Variants in ZNF239 observed in about 807,000 individuals in gnomAD.
ZNF239 encodes zinc finger protein (C2H2) homologous to mouse MOK-2.
ZNF239 carries 16 observed loss-of-function variants against 27.5 expected under a neutral mutation model. The ratio of observed to expected loss-of-function variants is 0.58; its 90% CI spans 0.39 to 0.88. The LOEUF is 0.88. Ranked by LOEUF, ZNF239 falls within the 40% of genes least tolerant of loss-of-function variation. The pLI is 0.00. For missense variants in ZNF239, 527 were observed against 551.9 expected (o/e 0.95, Z 0.45); for synonymous variants, 199 against 192.6 (o/e 1.03, Z -0.27).
chr10:43,567,174 T>C (rs1270861486), intron 3 of ZNF239, among the ~76,000 whole-genome samples: 1 of 152,194 alleles, frequency 6.6e-6, no homozygotes, highest in African/African-American at 2.4e-5. Context: ...AAGTGTTTTA[T>C]CTATTTGTAG....
Position 43,568,009 on chromosome 10 carries a change from A to T in ZNF239, c.-203T>A. Reference sequence around the variant, plus strand: ...GTGAAGGCCACAGAGGCATCCTTGAATGTAACTGGTTCCTAAAACATTAAG... The same window carrying T: ...GTGAAGGCCACAGAGGCATCCTTGATTGTAACTGGTTCCTAAAACATTAAG... On this transcript the variant is annotated 5_prime_UTR_variant, in exon 3 of 4. Coordinates refer to ENST00000374446, the MANE Select transcript of ZNF239 (RefSeq NM_001099282.2). 1.0e-6 allele frequency: 1 copy of T among 985,954 alleles called. No homozygotes were observed. 61.1% of individuals were successfully genotyped at this position (985,954 alleles called of 1,614,324 possible).
At chr10:43,570,486 C>G (rs1356871309) in intron 2 of ZNF239, 2 of 984,972 alleles carry the variant, frequency 2.0e-6, no homozygotes, top group African/African-American at 3.5e-5. Context: ...TAAGGCTAAT[C>G]TCTTCCTGTG....
intron 3 of ZNF239, among the ~76,000 whole-genome samples, chr10:43,559,226 T>C (rs541997841): frequency 2.1e-4 from 32 of 152,112 alleles, no homozygotes; most frequent in Non-Finnish European, 4.1e-4. Flanking sequence ...CCTGAAGGGA[T>C]TGAAAACTAT....
intron 2 of ZNF239, among the ~76,000 whole-genome samples, chr10:43,572,457 TA>T (rs1472312468): frequency 2.6e-5 from 4 of 152,222 alleles, no homozygotes; most frequent in African/African-American, 9.7e-5. Context: ...CTGGTAGTGT[TA>T]AAAAACATTT....
chr10:43,557,822 A>C lies in ZNF239; in HGVS notation c.258T>G (p.Pro86=). 3 of 1,614,188 alleles carry C rather than the reference A, an allele frequency of 1.9e-6. No individual in the cohort carries two copies. The South Asian group carries it at 3.3e-5, about 18-fold the overall frequency. Residue 86 remains proline, a synonymous_variant, in exon 4 of 4, where the codon CCT becomes CCG. Transcript: ENST00000374446. ...GACGTCTGCTTTCCTGATGATCCTGAGGCTCATTCTTACAGAACTTCACTG... is the reference window on the plus strand; with the variant it reads ...GACGTCTGCTTTCCTGATGATCCTGCGGCTCATTCTTACAGAACTTCACTG... ...DSSVKFCKNE[P]QDHQESRRLF...
At chr10:43,567,101 AAAACAAAC>A (rs143700865) in intron 3 of ZNF239, among the ~76,000 whole-genome samples, 78,769 of 151,036 alleles carry the variant, frequency 0.52, 20,739 homozygotes, top group South Asian at 0.55. Context: ...ACTCCGTCTC[AAAACAAAC>A]AAACAAACAA....
intron 2 of ZNF239, chr10:43,570,963 C>G: frequency 1.0e-6 from 1 of 984,832 alleles, no homozygotes; most frequent in Non-Finnish European, 1.2e-6. Context: ...ATCATTGTGA[C>G]AAGGGAAAGG....
At position 43,557,222 on chromosome 10, in the gene ZNF239, T is replaced by G. The variant is rs776914922; in HGVS notation, c.858A>C (p.Thr286=). 6.2e-7 allele frequency: 1 copy of G among 1,613,736 alleles called. No homozygotes were observed. The highest frequency in any genetic ancestry group is 2.2e-5 in the East Asian group (1 of 44,794). The part of the protein sequence containing the change: ...SSLLIHHAVH[T]GEKPYKCDKC... ...TGTCACATTTATAAGGTTTTTCGCC[T>G]GTATGGACGGCATGATGGATGAGCA... The change falls in exon 4 of 4, where the codon ACA becomes ACC. Residue 286 remains threonine, a synonymous_variant. Transcript: ENST00000374446.
At position 43,556,828 on chromosome 10, in the gene ZNF239, G is replaced by A; in HGVS notation, c.1252C>T (p.Leu418Phe). 2 of 1,613,974 alleles carry A rather than the reference G, an allele frequency of 1.2e-6. No individual in the cohort carries two copies. The highest frequency in any genetic ancestry group is 2.2e-5 in the East Asian group (1 of 44,860). Residue 418 changes from leucine to phenylalanine, a missense_variant, in exon 4 of 4, where the codon CTC (leucine) becomes TTC (phenylalanine). Leu to Phe is a conservative substitution (Grantham distance 22). Transcript: ENST00000374446. The part of the protein sequence containing the change: ...CGKGFSQSSK[L>F]LIHQRVHTGE... ...GTATGTACTCTCTGGTGGATGAGGA[G>A]TTTGGAACTCTGGCTAAATCCCTTC...
chr10:43,566,681 A>T (rs948634017), intron 3 of ZNF239, among the ~76,000 whole-genome samples: 2 of 152,214 alleles, frequency 1.3e-5, no homozygotes, highest in Non-Finnish European at 1.5e-5. Flanking sequence ...TTCCCCATCT[A>T]ATTTAAGTTC....
chr10:43,560,746 AC>A (rs1335423808), intron 3 of ZNF239, among the ~76,000 whole-genome samples: 37 of 152,004 alleles, frequency 2.4e-4, no homozygotes, highest in Non-Finnish European at 1.8e-4. Context: ...CTAAAGTAAA[AC>A]ACATATGCAT....
At chr10:43,566,408 C>A (rs1004032404) in intron 3 of ZNF239, among the ~76,000 whole-genome samples, 4 of 152,080 alleles carry the variant, frequency 2.6e-5, no homozygotes, top group African/African-American at 7.2e-5. Flanking sequence ...ACCTCAGCCT[C>A]CTGAGTAGCT....
At chr10:43,570,481 C>T in intron 2 of ZNF239, 2 of 985,034 alleles carry the variant, frequency 2.0e-6, no homozygotes, top group Non-Finnish European at 2.4e-6. Flanking sequence ...CTGTTTAAGG[C>T]TAATCTCTTC....
At chr10:43,570,575 C>A (rs1374670470) in intron 2 of ZNF239, 1 of 984,794 alleles carries the variant, frequency 1.0e-6, no homozygotes, top group Non-Finnish European at 1.2e-6. Flanking sequence ...ATTTTTTTAT[C>A]CGTCTTCCAT....
intron 1 of ZNF239, among the ~76,000 whole-genome samples, chr10:43,573,962 T>C (rs1219248493): frequency 6.6e-6 from 1 of 152,138 alleles, no homozygotes; most frequent in Non-Finnish European, 1.5e-5. Flanking sequence ...ACTTTCCCGA[T>C]CTCTGTCCTA....
chr10:43,562,491 C>T (rs577747838), intron 3 of ZNF239, among the ~76,000 whole-genome samples: 34 of 152,342 alleles, frequency 2.2e-4, no homozygotes, highest in African/African-American at 7.7e-4. Context: ...ATGAAAGAAA[C>T]TTTTCACTGT....
chr10:43,573,986 G>A (rs1039721192), intron 1 of ZNF239, among the ~76,000 whole-genome samples: 2 of 152,204 alleles, frequency 1.3e-5, no homozygotes, highest in African/African-American at 4.8e-5. Flanking sequence ...TTCTAGTTAA[G>A]AGGAGAAGCT....
chr10:43,557,142 T>C lies in ZNF239; in HGVS notation c.938A>G (p.His313Arg). The change falls in exon 4 of 4, where the codon CAC becomes CGC. Residue 313 changes from histidine (H) to arginine (R), a missense_variant. Transcript: ENST00000374446. ...ACACTCATAGGGCTTCTCTCCAGTG[T>C]GGACTCGCTGGTGGATGTGCAGTTT... Reference protein sequence around the residue: ...SSKLHIHQRVHTGEKPYECEE... With the variant: ...SSKLHIHQRVRTGEKPYECEE... 6.2e-7 allele frequency: 1 copy of C among 1,613,280 alleles called. No individual in the cohort carries two copies. Among genetic ancestry groups the C allele is most frequent in the Non-Finnish European group, 8.5e-7 (1 of 1,179,304 alleles).
At chr10:43,573,115 T>C (rs772226918) in intron 2 of ZNF239, among the ~76,000 whole-genome samples, 4 of 152,224 alleles carry the variant, frequency 2.6e-5, no homozygotes, top group African/African-American at 4.8e-5. Context: ...AAAGCATTTC[T>C]AGAGTGATTT....
Sources: allele counts gnomAD v4.1 joint callset (sites outside exome capture counted in the v4.1 genomes callset), GRCh38; gene constraint gnomAD v4.1.1; transcripts MANE v1.5; gene names NCBI Gene and HGNC (gene_info 2026-07-23, HGNC 2026-07-21).